Variants in NBAS observed in about 807,000 individuals in gnomAD.
NBAS encodes the protein NBAS subunit of NRZ tethering complex, also known as NAG/BC035112 fusion.
Under a neutral mutation model 302.5 loss-of-function variants are expected in NBAS, and 219 were observed. That is an observed-to-expected ratio of 0.72 (90% CI 0.65 to 0.81). The LOEUF (loss-of-function observed/expected upper bound fraction) is 0.81, where lower values mean the gene tolerates loss of function less well. Among genes scored for constraint, NBAS ranks in the 30% least tolerant of loss-of-function variants. The pLI is 0.00. For missense variants in NBAS, 2,932 were observed against 2,841.6 expected (o/e 1.03, Z -0.72); for synonymous variants, 1,118 against 1,021.6 (o/e 1.09, Z -1.80).
chr2:15,513,759 T>G (rs1222265123), intron 9 of NBAS, among the ~76,000 whole-genome samples: 1 of 150,784 alleles, frequency 6.6e-6, no homozygotes, highest in Non-Finnish European at 1.5e-5. Flanking sequence ...GAAGACAAGG[T>G]GGGAGGATTG....
At chr2:15,441,374 T>G (rs950188844) in intron 21 of NBAS, among the ~76,000 whole-genome samples, 1 of 151,974 alleles carries the variant, frequency 6.6e-6, no homozygotes, top group Admixed American at 6.5e-5. Context: ...AGAAAAGAAT[T>G]TTCAAACCAG....
intron 50 of NBAS, among the ~76,000 whole-genome samples, chr2:15,183,013 T>G (rs928906520): frequency 1.3e-5 from 2 of 152,004 alleles, no homozygotes; most frequent in African/African-American, 4.8e-5. Context: ...GTTTCCTAAA[T>G]CATGGAGTAC....
the NBAS span, among the ~76,000 whole-genome samples, chr2:15,139,509 T>C: frequency 4.3e-4 from 66 of 152,232 alleles, no homozygotes; most frequent in Middle Eastern, 3.4e-3. Context: ...ATGGTGTGTG[T>C]GTGTGTGTGT....
the NBAS span, among the ~76,000 whole-genome samples, chr2:15,130,767 C>A: frequency 2.6e-5 from 4 of 152,196 alleles, no homozygotes; most frequent in African/African-American, 7.2e-5. Flanking sequence ...CTAAGCCATT[C>A]CCTTGACCCC....
chr2:14,827,338 T>A, the NBAS span, among the ~76,000 whole-genome samples: 1 of 152,230 alleles, frequency 6.6e-6, no homozygotes, highest in Non-Finnish European at 1.5e-5. Flanking sequence ...TGTAAACATG[T>A]TTTGATTTTA....
At chr2:15,058,844 T>C in the NBAS span, among the ~76,000 whole-genome samples, 75,131 of 152,070 alleles carry the variant, frequency 0.49, 20,860 homozygotes, top group African/African-American at 0.77. Context: ...ATTTGTTGAC[T>C]TGTGCACTAC....
intron 51 of NBAS, among the ~76,000 whole-genome samples, chr2:15,171,294 A>T (rs755459038): frequency 1.3e-5 from 2 of 152,120 alleles, no homozygotes; most frequent in Admixed American, 6.5e-5. Flanking sequence ...TTTGTATGTC[A>T]TCCATGTTTG....
the NBAS span, among the ~76,000 whole-genome samples, chr2:15,073,786 C>A: frequency 6.6e-6 from 1 of 152,166 alleles, no homozygotes; most frequent in Non-Finnish European, 1.5e-5. Context: ...CCATTTGATG[C>A]AGATAACACC....
At chr2:14,873,843 ATT>A in the NBAS span, among the ~76,000 whole-genome samples, 11 of 148,850 alleles carry the variant, frequency 7.4e-5, no homozygotes, top group Non-Finnish European at 1.5e-4. Context: ...ATTGCATTAC[ATT>A]TTTTTTTTAC....
chr2:15,046,243 A>G, the NBAS span, among the ~76,000 whole-genome samples: 2 of 152,334 alleles, frequency 1.3e-5, no homozygotes, highest in Middle Eastern at 3.4e-3. Flanking sequence ...AGCTGGATTC[A>G]GTATGTTTTC....
chr2:15,084,643 C>T, the NBAS span, among the ~76,000 whole-genome samples: 25 of 150,002 alleles, frequency 1.7e-4, no homozygotes, highest in African/African-American at 6.3e-4. Context: ...CTTCTGGAGG[C>T]AGGAAAAGCT....
chr2:15,417,466 G>A (rs1676999938), intron 24 of NBAS, 61 bp downstream of exon 24: 1 of 1,388,304 alleles, frequency 7.2e-7, no homozygotes, highest in African/African-American at 1.4e-5. Flanking sequence ...AGACACATAT[G>A]TATCAAAGTG....
At chr2:15,107,996 T>C in the NBAS span, among the ~76,000 whole-genome samples, 1 of 152,150 alleles carries the variant, frequency 6.6e-6, no homozygotes, top group African/African-American at 2.4e-5. Context: ...AGGGTCATCA[T>C]GTTGAATCAT....
At chr2:15,418,612 ACAGTACTTAGC>A (rs1207667961) in intron 23 of NBAS, among the ~76,000 whole-genome samples, 1 of 152,196 alleles carries the variant, frequency 6.6e-6, no homozygotes, top group Non-Finnish European at 1.5e-5. Flanking sequence ...CCCACAGAAG[ACAGTACTTAGC>A]CAGCCTGAGA....
At chr2:14,834,557 G>T in the NBAS span, among the ~76,000 whole-genome samples, 264 of 152,236 alleles carry the variant, frequency 1.7e-3, no homozygotes, top group African/African-American at 6.1e-3. Context: ...TTACAAAACT[G>T]TCTGGAGGTA....
chr2:15,398,648 G>A (rs1675996644), intron 26 of NBAS, among the ~76,000 whole-genome samples: 1 of 152,030 alleles, frequency 6.6e-6, no homozygotes, highest in East Asian at 1.9e-4. Flanking sequence ...GCAAATGGAT[G>A]TATTCATAGT....
the NBAS span, among the ~76,000 whole-genome samples, chr2:15,021,803 A>T: frequency 6.6e-6 from 1 of 152,214 alleles, no homozygotes; most frequent in Non-Finnish European, 1.5e-5. Context: ...GTCTTCCAAC[A>T]GAGATTATCA....
intron 49 of NBAS, among the ~76,000 whole-genome samples, chr2:15,189,379 G>C (rs1237692090): frequency 1.3e-5 from 2 of 152,184 alleles, no homozygotes; most frequent in Non-Finnish European, 2.9e-5. Flanking sequence ...ACAGGATATA[G>C]GACTTTATTT....
At chr2:14,972,904 GAAT>G in the NBAS span, among the ~76,000 whole-genome samples, 5 of 152,208 alleles carry the variant, frequency 3.3e-5, no homozygotes, top group Middle Eastern at 3.2e-3. Context: ...CCAAAACCAA[GAAT>G]AATATTTGAC....
Sources: gnomAD v4.1 joint callset for allele counts (sites outside exome capture counted in the v4.1 genomes callset) on GRCh38, gnomAD v4.1.1 for gene constraint, MANE v1.5 for transcripts, NCBI Gene and HGNC (gene_info 2026-07-23, HGNC 2026-07-21) for gene names.